The following AVL9 variants were observed in gnomAD, a reference collection of about 807,000 sequenced individuals.
AVL9 encodes the protein AVL9 cell migration associated, also known as late secretory pathway protein AVL9 homolog.
A neutral mutation model predicts 79.2 loss-of-function variants in AVL9; 49 were observed. That is an observed-to-expected ratio of 0.62 (90% CI 0.49 to 0.79). The LOEUF is 0.79. Among genes scored for constraint, AVL9 ranks in the 30% least tolerant of loss-of-function variants. AVL9 has a pLI of 0.00. For synonymous variants in AVL9, 299 were observed against 280.6 expected (o/e 1.07, Z -0.65); for missense variants, 682 against 776.8 (o/e 0.88, Z 1.45).
At chr7:32,530,206 T>C (rs760225446) in intron 1 of AVL9, among the ~76,000 whole-genome samples, 6 of 152,236 alleles carry the variant, frequency 3.9e-5, no homozygotes, top group Non-Finnish European at 5.9e-5. Context: ...TAGGGTAATA[T>C]AAGAGTCCCA....
At position 32,548,831 on chromosome 7, in the gene AVL9, T is replaced by C; in HGVS notation, c.301-16T>C. 7 of 1,519,242 alleles carry C rather than the reference T, an allele frequency of 4.6e-6. No individual in the cohort carries two copies. The highest frequency in any genetic ancestry group is 2.4e-5 in the East Asian group (1 of 41,850). 94.1% of individuals were successfully genotyped at this position (1,519,242 alleles called of 1,614,324 possible). A position where few individuals can be genotyped will look rare whatever the true frequency, so the allele number is the denominator to read the frequency against. On this transcript the variant is annotated splice_polypyrimidine_tract_variant and intron_variant, in intron 3 of 15. Transcript: ENST00000318709. Reference sequence around the variant, plus strand: ...CTATGAAATATTTCTGATAAATTGCTCTTTGTTCATAATAGGCACTGAAAG... The same window carrying C: ...CTATGAAATATTTCTGATAAATTGCCCTTTGTTCATAATAGGCACTGAAAG...
chr7:32,525,781 T>C (rs1788376001), intron 1 of AVL9, among the ~76,000 whole-genome samples: 1 of 152,224 alleles, frequency 6.6e-6, no homozygotes, highest in Admixed American at 6.5e-5. Flanking sequence ...CTTGTTTTAC[T>C]TTCAAGGAAA....
intron 1 of AVL9, among the ~76,000 whole-genome samples, chr7:32,540,495 G>A (rs1038426251): frequency 6.6e-6 from 1 of 152,168 alleles, no homozygotes; most frequent in Non-Finnish European, 1.5e-5. Flanking sequence ...TAAAATTTGA[G>A]CAGTTGCCTT....
intron 8 of AVL9, among the ~76,000 whole-genome samples, chr7:32,556,519 A>AAATAAATGAATGAATGAATG (rs111960786): frequency 0.017 from 2,482 of 149,546 alleles, 56 homozygotes; most frequent in East Asian, 0.056. Flanking sequence ...ATCTCAAAGT[A>AAATAAATGAATGAATGAATG]AATGAATGAA....
chr7:32,549,563 G>A (rs62467616), intron 4 of AVL9, among the ~76,000 whole-genome samples: 92,697 of 151,586 alleles, frequency 0.61, 28,716 homozygotes, highest in Admixed American at 0.71. Context: ...TTTTGAGGAT[G>A]AGAATATTTC....
chr7:32,548,783 G>GA, intron 3 of AVL9, 64 bp from the exon 4 acceptor site: 1 of 1,187,752 alleles, frequency 8.4e-7, no homozygotes, highest in Non-Finnish European at 1.2e-6. Context: ...TTTTTATGTT[G>GA]AAAAAATATT....
chr7:32,507,155 G>C (rs190426833), intron 1 of AVL9, among the ~76,000 whole-genome samples: 9 of 152,126 alleles, frequency 5.9e-5, no homozygotes, highest in Admixed American at 2.6e-4. Context: ...AAGCTCCTGG[G>C]GTTTTTATGT....
intron 12 of AVL9, among the ~76,000 whole-genome samples, chr7:32,574,845 A>G (rs1791016330): frequency 6.6e-6 from 1 of 152,212 alleles, no homozygotes; most frequent in Non-Finnish European, 1.5e-5. Flanking sequence ...TTCTTAGAAC[A>G]ACTTCTTTAT....
chr7:32,583,844 G>C lies in AVL9; in HGVS notation c.1884G>C (p.Trp628Cys). ...FSSAKTAMSSWLSTFTTSTSQ... is the reference protein window; with the variant it reads ...FSSAKTAMSSCLSTFTTSTSQ... ...GTGCAAAGACAGCTATGTCTTCATG[G>C]CTTTCCACTTTCACCACTTCCACCT... The change falls in exon 16 of 16, where the codon TGG becomes TGC. Residue 628 changes from tryptophan to cysteine, a missense_variant. Physicochemically the swap from Trp to Cys is radical, Grantham distance 215 (BLOSUM62 -2). Transcript: ENST00000318709. 1 of 1,614,090 alleles carries C rather than the reference G, an allele frequency of 6.2e-7. No homozygotes were observed. Among genetic ancestry groups the C allele is most frequent in the Non-Finnish European group, 8.5e-7 (1 of 1,180,016 alleles).
intron 6 of AVL9, 30 bp from the exon 7 acceptor site, chr7:32,553,686 TACATTGTAGTC>T (rs1789939417): frequency 6.6e-7 from 1 of 1,523,934 alleles, no homozygotes; most frequent in South Asian, 1.2e-5. Context: ...GCAAAAACAT[TACATTGTAGTC>T]ACACTTGAGC....
intron 13 of AVL9, among the ~76,000 whole-genome samples, chr7:32,576,485 G>A (rs1049816530): frequency 1.3e-5 from 2 of 152,116 alleles, no homozygotes; most frequent in Non-Finnish European, 2.9e-5. Context: ...TGACATATGC[G>A]AAACCAATTA....
At chr7:32,581,124 C>A (rs1215115695) in intron 15 of AVL9, 1 of 484,732 alleles carries the variant, frequency 2.1e-6, no homozygotes, top group East Asian at 3.7e-5. Flanking sequence ...CACTGTTTTG[C>A]TACCAAGATT....
intron 6 of AVL9, 61 bp downstream of exon 6, chr7:32,552,356 A>G (rs1270904715): frequency 3.9e-6 from 4 of 1,033,930 alleles, no homozygotes; most frequent in Non-Finnish European, 4.4e-6. Flanking sequence ...TAGCAAACTG[A>G]GTTGCGTGTA....
chr7:32,563,637 C>T lies in AVL9; in HGVS notation c.1215+4173C>T, dbSNP rs533682205. Reference sequence around the variant, plus strand: ...ACTAGAACAAAGTATTCTGTTTTTCCCTGAATACTGTCTGGTATCCATGAA... The same window carrying T: ...ACTAGAACAAAGTATTCTGTTTTTCTCTGAATACTGTCTGGTATCCATGAA... On this transcript the variant is annotated intron_variant, in intron 10 of 15. Coordinates refer to ENST00000318709, the MANE Select transcript of AVL9 (RefSeq NM_015060.3). 7.9e-5 allele frequency among the ~76,000 whole-genome samples: 12 copies of T among 151,432 alleles called. No individual in the cohort carries two copies. In the South Asian group the frequency reaches 2.5e-3, roughly 32 times the overall value.
rs546029489 is a variant in AVL9 at position 32,579,502 on chromosome 7, ATAT to A, written c.1689-713_1689-711del. ...TTATATATAATATATTACATATTAT[ATAT>A]TATATATTATATTATATATTATATA... On this transcript the variant is annotated intron_variant, in intron 13 of 15. Transcript: ENST00000318709. 1.9e-3 allele frequency among the ~76,000 whole-genome samples: 19 copies of A among 10,240 alleles called. 3 individuals are homozygous for A. Among genetic ancestry groups the A allele is most frequent in the Middle Eastern group, 0.083 (1 of 12 alleles). The allele number at this position is 10,240 out of a possible 152,430, so 6.7% of individuals were successfully genotyped here.
intron 3 of AVL9, among the ~76,000 whole-genome samples, chr7:32,545,458 A>G (rs111336815): frequency 0.019 from 2,610 of 135,016 alleles, 74 homozygotes; most frequent in African/African-American, 0.069. Context: ...TGCAGCCTTG[A>G]CCCTGAGCTC....
chr7:32,509,616 C>T (rs1036020009), intron 1 of AVL9, among the ~76,000 whole-genome samples: 2 of 152,026 alleles, frequency 1.3e-5, no homozygotes, highest in Non-Finnish European at 1.5e-5. Flanking sequence ...CTGTCTTGGC[C>T]GGGCGGGCGG....
At chr7:32,555,103 C>T (rs112580632) in intron 8 of AVL9, among the ~76,000 whole-genome samples, 8,941 of 152,232 alleles carry the variant, frequency 0.059, 370 homozygotes, top group Non-Finnish European at 0.084. Flanking sequence ...CTTTGGGAGG[C>T]TGAAGCAGGA....
intron 1 of AVL9, among the ~76,000 whole-genome samples, chr7:32,511,768 G>C (rs1463795593): frequency 6.6e-6 from 1 of 152,094 alleles, no homozygotes; most frequent in African/African-American, 2.4e-5. Context: ...CTGAGGGCAG[G>C]AAGTTTGAGG....
Sources: allele counts gnomAD v4.1 joint callset (sites outside exome capture counted in the v4.1 genomes callset), GRCh38; gene constraint gnomAD v4.1.1; transcripts MANE v1.5; gene names NCBI Gene and HGNC (gene_info 2026-07-23, HGNC 2026-07-21).